The following TMEM233 variants were observed in gnomAD, a reference collection of about 807,000 sequenced individuals.
TMEM233 encodes dispanin subfamily B member 2.
TMEM233 carries 6 observed loss-of-function variants against 11.2 expected under a neutral mutation model. That is an observed-to-expected ratio of 0.54 (90% CI 0.29 to 1.06). TMEM233 has a LOEUF of 1.06. Among genes scored for constraint, TMEM233 ranks in the 50% least tolerant of loss-of-function variants. The probability of loss-of-function intolerance (pLI) is 0.08; values close to 1 mark genes in which losing one functional copy is unlikely to be tolerated. For missense variants in TMEM233, 127 were observed against 144.7 expected (o/e 0.88, Z 0.63); for synonymous variants, 59 against 55.8 (o/e 1.06, Z -0.26).
intron 1 of TMEM233, among the ~76,000 whole-genome samples, chr12:119,599,286 G>A (rs145074246): frequency 2.9e-4 from 44 of 152,298 alleles, no homozygotes; most frequent in African/African-American, 9.9e-4. Flanking sequence ...CTTAAAGAGT[G>A]TAATTGCATT....
In TMEM233 at chr12:119,605,674, C is replaced by A. The variant is rs1954266437; in HGVS notation, c.186+11640C>A. On this transcript the variant is annotated intron_variant, in intron 1 of 2. Transcript: ENST00000426426. ...GAACTCCTGTGCTCAAGGGATCTAC[C>A]CCCCTCAGCCTCCCGAAGTGCTGGG... Among the ~76,000 whole-genome samples, 4 of 152,000 alleles carry A rather than the reference C, an allele frequency of 2.6e-5. No homozygotes were observed. The South Asian group carries it at 8.3e-4, about 31-fold the overall frequency.
At chr12:119,632,391 G>A (rs1057360304) in intron 2 of TMEM233, among the ~76,000 whole-genome samples, 9 of 152,144 alleles carry the variant, frequency 5.9e-5, no homozygotes, top group South Asian at 2.1e-4. Flanking sequence ...CTGCACTGCC[G>A]CTAAGTCAAT....
chr12:119,632,298 A>G (rs1178626238), intron 2 of TMEM233, among the ~76,000 whole-genome samples: 1 of 152,226 alleles, frequency 6.6e-6, no homozygotes, highest in East Asian at 1.9e-4. Flanking sequence ...TGACTTGCCC[A>G]AAGCCTCACA....
the TMEM233 span, among the ~76,000 whole-genome samples, chr12:119,649,895 A>C: frequency 4.1e-4 from 59 of 143,534 alleles, no homozygotes; most frequent in Admixed American, 7.2e-4. Flanking sequence ...GCGTTGGCTC[A>C]CGCCTGTAAT....
At chr12:119,649,192 G>A in the TMEM233 span, among the ~76,000 whole-genome samples, 5 of 152,064 alleles carry the variant, frequency 3.3e-5, no homozygotes, top group Non-Finnish European at 5.9e-5. Flanking sequence ...CAGCTACTCG[G>A]GAAGCTGAGG....
At chr12:119,651,825 CAAAAAAAAAA>C in the TMEM233 span, among the ~76,000 whole-genome samples, 1 of 79,420 alleles carries the variant, frequency 1.3e-5, no homozygotes, top group Admixed American at 1.7e-4. Flanking sequence ...GACTCCGTCT[CAAAAAAAAAA>C]AAAAAAAAAA....
At chr12:119,602,688 G>C (rs991059053) in intron 1 of TMEM233, among the ~76,000 whole-genome samples, 1 of 152,222 alleles carries the variant, frequency 6.6e-6, no homozygotes, top group Non-Finnish European at 1.5e-5. Context: ...ACTGTTTTTA[G>C]AGTCCTTTCA....
Position 119,629,890 on chromosome 12 carries a change from A to T in TMEM233, c.323+18A>T, listed in dbSNP as rs1236375052. On this transcript the variant is annotated intron_variant, in intron 2 of 2. Coordinates refer to ENST00000426426, the MANE Select transcript of TMEM233 (RefSeq NM_001136534.3). Reference sequence around the variant, plus strand: ...ACAAGGAAGTAAGTAGGCTTTTTGAATCCCTCCCCATGTCAAACGCCCTTT... The same window carrying T: ...ACAAGGAAGTAAGTAGGCTTTTTGATTCCCTCCCCATGTCAAACGCCCTTT... The T allele has an allele frequency of 5.8e-6, 9 of 1,546,988 alleles. No homozygotes were observed. The Admixed American group carries it at 1.6e-4, about 27-fold the overall frequency.
chr12:119,608,573 C>T (rs1954331404), intron 1 of TMEM233, among the ~76,000 whole-genome samples: 1 of 152,214 alleles, frequency 6.6e-6, no homozygotes, highest in Non-Finnish European at 1.5e-5. Flanking sequence ...ATGGCAATCT[C>T]TAGCCCCTGC....
the TMEM233 span, among the ~76,000 whole-genome samples, chr12:119,650,089 C>T: frequency 6.9e-6 from 1 of 145,182 alleles, no homozygotes; most frequent in African/African-American, 2.6e-5. Flanking sequence ...ACCCGGGAGG[C>T]GGAGTTTGCA....
Position 119,593,831 on chromosome 12 carries a change from G to C in TMEM233, c.-18G>C, listed in dbSNP as rs1320415153. ...GACCGTGCGCTCCTCCGCCCTCCCGGCGCCGCCGGCCTCGCCCATGTCTCA... is the reference window on the plus strand; with the variant it reads ...GACCGTGCGCTCCTCCGCCCTCCCGCCGCCGCCGGCCTCGCCCATGTCTCA... On this transcript the variant is annotated 5_prime_UTR_variant, in exon 1 of 3. Transcript: ENST00000426426. The surrounding 1 kb of genome is among the most constrained non-coding windows in gnomAD (Gnocchi z 4.1). The C allele has an allele frequency of 3.2e-6, 5 of 1,549,310 alleles. No individual in the cohort carries two copies. In the African/African-American group the frequency reaches 4.1e-5, roughly 13 times the overall value.
intron 2 of TMEM233, among the ~76,000 whole-genome samples, chr12:119,636,083 G>A (rs2078938): frequency 6.6e-6 from 1 of 151,982 alleles, no homozygotes; most frequent in Non-Finnish European, 1.5e-5. Flanking sequence ...CAGGCCATTT[G>A]TCCTCCCTGG....
In TMEM233 at chr12:119,640,848, A is replaced by C; in HGVS notation, c.*143A>C. On this transcript the variant is annotated 3_prime_UTR_variant, in exon 3 of 3. Transcript: ENST00000426426. ...CTCTCCAGAGGCAGGTCCCTGGCAA[A>C]TGAACAAGAAAAAAAAAAAAAAAAA... The C allele has an allele frequency of 1.5e-6, 1 of 646,356 alleles. No individual in the cohort carries two copies. The highest frequency in any genetic ancestry group is 2.3e-5 in the African/African-American group (1 of 43,672). 40.0% of individuals were successfully genotyped at this position (646,356 alleles called of 1,614,324 possible).
chr12:119,653,391 C>A, the TMEM233 span, among the ~76,000 whole-genome samples: 263 of 81,284 alleles, frequency 3.2e-3, no homozygotes, highest in East Asian at 0.011. Context: ...GACGCCACCT[C>A]AAAAAAAAAA....
chr12:119,638,902 C>T (rs1451362375), intron 2 of TMEM233, among the ~76,000 whole-genome samples: 1 of 151,876 alleles, frequency 6.6e-6, no homozygotes, highest in Non-Finnish European at 1.5e-5. Context: ...GTGGAGACAT[C>T]CTTCTTACTA....
At chr12:119,652,990 G>A in the TMEM233 span, among the ~76,000 whole-genome samples, 4 of 152,108 alleles carry the variant, frequency 2.6e-5, no homozygotes, top group Admixed American at 6.5e-5. Flanking sequence ...ACATAAGAAC[G>A]AGTCACTAGT....
intron 1 of TMEM233, among the ~76,000 whole-genome samples, chr12:119,609,136 G>T (rs1371311184): frequency 6.6e-6 from 1 of 152,190 alleles, no homozygotes; most frequent in Admixed American, 6.5e-5. Context: ...GAACAATATG[G>T]TCCAGGCTGA....
chr12:119,599,698 T>C (rs1954119838), intron 1 of TMEM233, among the ~76,000 whole-genome samples: 1 of 152,110 alleles, frequency 6.6e-6, no homozygotes, highest in Non-Finnish European at 1.5e-5. Context: ...CCTTTGATGT[T>C]AGGAATAAAG....
chr12:119,649,402 C>G, the TMEM233 span, among the ~76,000 whole-genome samples: 3 of 152,018 alleles, frequency 2.0e-5, no homozygotes, highest in Non-Finnish European at 2.9e-5. Flanking sequence ...CTGGGATGCC[C>G]CCTAGTGGAA....
Sources: gnomAD v4.1 joint callset for allele counts (sites outside exome capture counted in the v4.1 genomes callset) on GRCh38, gnomAD v4.1.1 for gene constraint, Gnocchi (gnomAD v3.1) non-coding constraint, MANE v1.5 for transcripts, NCBI Gene and HGNC (gene_info 2026-07-23, HGNC 2026-07-21) for gene names.